Variants in SUPT4H1 observed in about 807,000 individuals in gnomAD.
SUPT4H1 encodes the protein transcription elongation factor SPT4.
Under a neutral mutation model 19.4 loss-of-function variants are expected in SUPT4H1, and 12 were observed. The ratio of observed to expected loss-of-function variants is 0.62; its 90% confidence interval spans 0.40 to 1.00. The LOEUF (loss-of-function observed/expected upper bound fraction) is 1.00. SUPT4H1 is among the 50% of genes least tolerant of loss of function. The probability of loss-of-function intolerance (pLI) is 0.00; values close to 1 mark genes in which losing one functional copy is unlikely to be tolerated. For synonymous variants in SUPT4H1, 58 were observed against 56.3 expected (o/e 1.03, Z -0.14); for missense variants, 115 against 149.2 (o/e 0.77, Z 1.19).
In SUPT4H1 at chr17:58,347,594, GA is replaced by G. The variant is rs1477443530; in HGVS notation, c.177-11del. 2.5e-6 allele frequency: 4 copies of G among 1,613,950 alleles called. No individual in the cohort carries two copies. The African/African-American group carries it at 5.3e-5, about 22-fold the overall frequency. On this transcript the variant is annotated splice_polypyrimidine_tract_variant and intron_variant, in intron 2 of 4. Transcript: ENST00000225504. ...CATCATCGCAATGATTCTAGGGAGGGAAAAGAAATGGAGAGTCAGCCTGAGC... is the reference window on the plus strand; with the variant it reads ...CATCATCGCAATGATTCTAGGGAGGGAAAGAAATGGAGAGTCAGCCTGAGC...
chr17:58,349,515 C>T (rs189275804), intron 2 of SUPT4H1, among the ~76,000 whole-genome samples: 1 of 152,338 alleles, frequency 6.6e-6, no homozygotes, highest in African/African-American at 2.4e-5. Flanking sequence ...TAGGTTGTAA[C>T]TCCTCGGAAG....
Position 58,346,269 on chromosome 17 carries a change from T to C in SUPT4H1, c.331A>G (p.Arg111Gly), listed in dbSNP as rs960965932. The change falls in exon 5 of 5, where the codon AGA (arginine) becomes GGA (glycine). Residue 111 changes from arginine to glycine, a missense_variant. Physicochemically the swap from Arg to Gly is moderately radical, Grantham distance 125. Coordinates refer to ENST00000225504, the MANE Select transcript of SUPT4H1 (RefSeq NM_003168.3). ...LKSRGVAYKSRDTAIKT is the reference protein window; with the variant it reads ...LKSRGVAYKSGDTAIKT ...TGCTAGGTCTTTATAGCTGTGTCTC[T>C]GGATTTGTAGGCCACTCCTCGACTT... is the stretch of plus-strand genomic sequence containing the variant. 1.2e-6 allele frequency: 2 copies of C among 1,613,956 alleles called. No individual in the cohort carries two copies. Among genetic ancestry groups the C allele is most frequent in the Non-Finnish European group, 1.7e-6 (2 of 1,179,966 alleles).
chr17:58,347,068 G>T, intron 4 of SUPT4H1, 120 bp downstream of exon 4: 1 of 986,568 alleles, frequency 1.0e-6, no homozygotes, highest in Non-Finnish European at 1.6e-6. Flanking sequence ...TCTGTGCCTG[G>T]TTCCCCCCAT....
intron 3 of SUPT4H1, 71 bp downstream of exon 3, chr17:58,347,458 G>A (rs966917967): frequency 2.5e-6 from 4 of 1,570,648 alleles, no homozygotes; most frequent in Non-Finnish European, 3.5e-6. Context: ...GCTGATTTGA[G>A]ACTCCCTAAT....
In SUPT4H1 at chr17:58,347,252, AG is replaced by A. The variant is rs1598110107; in HGVS notation, c.233-12del. On this transcript the variant is annotated splice_polypyrimidine_tract_variant and intron_variant, in intron 3 of 4. Coordinates refer to ENST00000225504, the MANE Select transcript of SUPT4H1 (RefSeq NM_003168.3). ...CTGGCTTAAAGTTACCTGAGAGAGA[AG>A]AAAAAAGATACAAGATTACAGTGAA... is the stretch of plus-strand genomic sequence containing the variant. 2 of 1,614,134 alleles carry A rather than the reference AG, an allele frequency of 1.2e-6. No individual in the cohort carries two copies. The highest frequency in any genetic ancestry group is 4.5e-5 in the East Asian group (2 of 44,894).
intron 2 of SUPT4H1, among the ~76,000 whole-genome samples, chr17:58,348,343 G>T (rs113180452): frequency 1.3e-5 from 2 of 152,174 alleles, no homozygotes; most frequent in African/African-American, 4.8e-5. Flanking sequence ...TTTGTTGACT[G>T]CCTCAATATG....
intron 2 of SUPT4H1, among the ~76,000 whole-genome samples, chr17:58,350,152 G>A (rs926056554): frequency 8.5e-5 from 13 of 152,140 alleles, no homozygotes; most frequent in Admixed American, 7.2e-4. Flanking sequence ...TGGGCGTGGT[G>A]GTGGGCGCCT....
intron 2 of SUPT4H1, 127 bp downstream of exon 2, chr17:58,351,270 AAAAAC>A: frequency 4.9e-6 from 3 of 611,264 alleles, no homozygotes; most frequent in South Asian, 2.2e-5. Context: ...AAAAAAAAAA[AAAAAC>A]CCACACAAAA....
At position 58,346,220 on chromosome 17, in the gene SUPT4H1, A is replaced by G. The variant is rs1450565833; in HGVS notation, c.*26T>C. The G allele has an allele frequency of 6.2e-7, 1 of 1,601,948 alleles. No individual in the cohort carries two copies. Among genetic ancestry groups the G allele is most frequent in the Admixed American group, 1.7e-5 (1 of 59,988 alleles). Reference sequence around the variant, plus strand: ...TAAGCAGAGGCAGGAGGTGGAGAGCAAAGATGCTGGCAGCCTTGCATCTTG... The same window carrying G: ...TAAGCAGAGGCAGGAGGTGGAGAGCGAAGATGCTGGCAGCCTTGCATCTTG... On this transcript the variant is annotated 3_prime_UTR_variant, in exon 5 of 5. Coordinates refer to ENST00000225504, the MANE Select transcript of SUPT4H1 (RefSeq NM_003168.3).
At chr17:58,347,333 C>A in intron 3 of SUPT4H1, 92 bp from the exon 4 acceptor site, 3 of 1,450,900 alleles carry the variant, frequency 2.1e-6, no homozygotes, top group South Asian at 1.1e-5. Flanking sequence ...TGATGCAACT[C>A]CAAGAGAAGA....
In SUPT4H1 at chr17:58,351,422, G is replaced by A; in HGVS notation, c.156C>T (p.Cys52=). 6.2e-7 allele frequency: 1 copy of A among 1,613,076 alleles called. No individual in the cohort carries two copies. Among genetic ancestry groups the A allele is most frequent in the African/African-American group, 1.3e-5 (1 of 74,972 alleles). The change falls in exon 2 of 5, where the codon TGC becomes TGT. Residue 52 remains cysteine, a synonymous_variant. Transcript: ENST00000225504. ...CTTACCCATCAAAGGAAGAGCTAGTGCAGTCATATACCATCTCTCGGTTAC... is the reference window on the plus strand; with the variant it reads ...CTTACCCATCAAAGGAAGAGCTAGTACAGTCATATACCATCTCTCGGTTAC... The part of the protein sequence containing the change: ...MKGNREMVYD[C]TSSSFDGIIA...
Position 58,352,026 on chromosome 17 carries a change from T to G in SUPT4H1, c.69+41A>C, listed in dbSNP as rs777666253. Reference sequence around the variant, plus strand: ...CCATTCCGCCCTCTTTCCCCGACCTTGGTCCCCCATGGGCCCTACAACCAG... The same window carrying G: ...CCATTCCGCCCTCTTTCCCCGACCTGGGTCCCCCATGGGCCCTACAACCAG... On this transcript the variant is annotated intron_variant, in intron 1 of 4. Transcript: ENST00000225504. The G allele has an allele frequency of 7.5e-6, 12 of 1,609,862 alleles. No homozygotes were observed. In the South Asian group the frequency reaches 1.3e-4, roughly 18 times the overall value.
At chr17:58,348,794 T>C (rs575649579) in intron 2 of SUPT4H1, among the ~76,000 whole-genome samples, 2 of 152,188 alleles carry the variant, frequency 1.3e-5, no homozygotes, top group Admixed American at 1.3e-4. Context: ...CCAATTCTGG[T>C]TGAGGTCATC....
rs758463466 is a variant in SUPT4H1 at position 58,347,267 on chromosome 17, G to A, written c.233-26C>T. 3 of 1,613,286 alleles carry A rather than the reference G, an allele frequency of 1.9e-6. No individual in the cohort carries two copies. In the South Asian group the frequency reaches 3.3e-5, roughly 18 times the overall value. Reference sequence around the variant, plus strand: ...CTGAGAGAGAAGAAAAAAGATACAAGATTACAGTGAAGTTAGTTAAGACTC... The same window carrying A: ...CTGAGAGAGAAGAAAAAAGATACAAAATTACAGTGAAGTTAGTTAAGACTC... On this transcript the variant is annotated intron_variant, in intron 3 of 4. Transcript: ENST00000225504.
Position 58,346,060 on chromosome 17 carries a change from T to C in SUPT4H1, c.*186A>G, listed in dbSNP as rs1972277762. Reference sequence around the variant, plus strand: ...CCATCTGTTAATCCACCAACCCAAATCCCTCCCACCCCACCTGTAGTCCAA... The same window carrying C: ...CCATCTGTTAATCCACCAACCCAAACCCCTCCCACCCCACCTGTAGTCCAA... On this transcript the variant is annotated 3_prime_UTR_variant, in exon 5 of 5. Transcript: ENST00000225504. The C allele has an allele frequency of 1.8e-6, 1 of 547,640 alleles. No individual in the cohort carries two copies. The highest frequency in any genetic ancestry group is 2.0e-5 in the South Asian group (1 of 49,564). 33.9% of individuals were successfully genotyped at this position (547,640 alleles called of 1,614,324 possible).
intron 2 of SUPT4H1, among the ~76,000 whole-genome samples, chr17:58,349,896 T>C (rs1972428876): frequency 6.6e-6 from 1 of 152,152 alleles, no homozygotes; most frequent in African/African-American, 2.4e-5. Context: ...GAGGAGCTAG[T>C]GTTTAATGGG....
chr17:58,350,292 T>C (rs1972450280), intron 2 of SUPT4H1, among the ~76,000 whole-genome samples: 1 of 151,270 alleles, frequency 6.6e-6, no homozygotes, highest in African/African-American at 2.4e-5. Context: ...GGCGGGTGGA[T>C]CACGAGGTCA....
In SUPT4H1 at chr17:58,352,140, G is replaced by A. The variant is rs1972551254; in HGVS notation, c.-5C>T. On this transcript the variant is annotated 5_prime_UTR_variant, in exon 1 of 5. Coordinates refer to ENST00000225504, the MANE Select transcript of SUPT4H1 (RefSeq NM_003168.3). ...CGGCACCGTCTCCAGGGCCATCTTC[G>A]CCGATGGGAAGAACAACAGGGAGAT... is the stretch of plus-strand genomic sequence containing the variant. 2.5e-6 allele frequency: 4 copies of A among 1,613,994 alleles called. No individual in the cohort carries two copies. Among genetic ancestry groups the A allele is most frequent in the African/African-American group, 1.3e-5 (1 of 74,938 alleles).
intron 4 of SUPT4H1, 125 bp downstream of exon 4, chr17:58,347,063 G>C (rs1972318229): frequency 1.1e-6 from 1 of 939,074 alleles, no homozygotes; most frequent in African/African-American, 1.6e-5. Flanking sequence ...ACCTCTCTGT[G>C]CCTGGTTCCC....
Sources: gnomAD v4.1 joint callset for allele counts (sites outside exome capture counted in the v4.1 genomes callset) on GRCh38, gnomAD v4.1.1 for gene constraint, MANE v1.5 for transcripts, NCBI Gene and HGNC (gene_info 2026-07-23, HGNC 2026-07-21) for gene names.